PTCSC3: variants seen among roughly 807,000 people sequenced by gnomAD.
PTCSC3 encodes the protein papillary thyroid carcinoma susceptibility candidate 3 (non-protein coding).
At chr14:36,147,280 C>T (rs1282152154) in intron 3 of PTCSC3, among the ~76,000 whole-genome samples, 3 of 152,162 alleles carry the variant, frequency 2.0e-5, no homozygotes, top group Non-Finnish European at 2.9e-5. Flanking sequence ...TTCCATTCTC[C>T]CCATCACTTT....
At chr14:36,160,610 T>C (rs917035996) in intron 2 of PTCSC3, among the ~76,000 whole-genome samples, 7 of 151,818 alleles carry the variant, frequency 4.6e-5, no homozygotes, top group African/African-American at 1.7e-4. Flanking sequence ...TCTGATGGGC[T>C]TCCCTTTGTA....
At chr14:36,168,307 T>G (rs1430006263) in intron 1 of PTCSC3, among the ~76,000 whole-genome samples, 2 of 149,832 alleles carry the variant, frequency 1.3e-5, no homozygotes, top group Non-Finnish European at 3.0e-5. Flanking sequence ...TAAAACATTA[T>G]GCCTTTGCAT....
At chr14:36,147,817 T>C (rs917244440) in intron 3 of PTCSC3, among the ~76,000 whole-genome samples, 1 of 151,928 alleles carries the variant, frequency 6.6e-6, no homozygotes, top group African/African-American at 2.4e-5. Context: ...TCTTTGATGA[T>C]GGTGATGTAC....
chr14:36,176,708 C>T (rs1321302829), upstream of PTCSC3, among the ~76,000 whole-genome samples: 6 of 152,082 alleles, frequency 3.9e-5, no homozygotes, highest in Admixed American at 1.3e-4. Context: ...TCATGCCTGA[C>T]GGTGAATGTG....
At chr14:36,165,101 A>G (rs1287161794) in intron 1 of PTCSC3, 1 of 152,222 alleles carries the variant, frequency 6.6e-6, no homozygotes, top group African/African-American at 2.4e-5. Flanking sequence ...TGACGAGTGA[A>G]TATTCTCCAG....
intron 3 of PTCSC3, among the ~76,000 whole-genome samples, chr14:36,145,592 T>A (rs1489023527): frequency 5.9e-5 from 7 of 118,764 alleles, no homozygotes; most frequent in African/African-American, 2.1e-4. Context: ...TCAATTTTGT[T>A]GATCCTTTCA....
chr14:36,155,649 G>A (rs1035467916), intron 2 of PTCSC3, among the ~76,000 whole-genome samples: 1 of 151,974 alleles, frequency 6.6e-6, no homozygotes, highest in Non-Finnish European at 1.5e-5. Context: ...GCCAAATCTT[G>A]CTAAATTTGC....
chr14:36,174,995 G>C (rs981580315), intron 1 of PTCSC3, among the ~76,000 whole-genome samples: 2 of 152,262 alleles, frequency 1.3e-5, no homozygotes, highest in Middle Eastern at 3.4e-3. Flanking sequence ...CTGACATCTA[G>C]TAAAGCTCGG....
At chr14:36,174,387 C>T (rs1369156290) in intron 1 of PTCSC3, among the ~76,000 whole-genome samples, 1 of 152,080 alleles carries the variant, frequency 6.6e-6, no homozygotes. Flanking sequence ...CTTTTCAGTT[C>T]TAGAATGTTC....
intron 3 of PTCSC3, among the ~76,000 whole-genome samples, chr14:36,142,538 G>A (rs1036041691): frequency 2.6e-5 from 4 of 152,324 alleles, no homozygotes; most frequent in African/African-American, 9.6e-5. Context: ...TTTTCTGGAA[G>A]AGATTGTGAA....
chr14:36,174,978 A>G (rs1199206330), intron 1 of PTCSC3, among the ~76,000 whole-genome samples: 1 of 152,164 alleles, frequency 6.6e-6, no homozygotes, highest in Non-Finnish European at 1.5e-5. Context: ...TTTCAACTGC[A>G]TAGCATCTGA....
At position 36,137,610 on chromosome 14, in the gene PTCSC3, A is replaced by G. The variant is rs1827368726; in HGVS notation, n.323-1254T>C. Among the ~76,000 whole-genome samples the G allele has an allele frequency of 2.6e-5, 4 of 152,144 alleles. 1 individual carries two copies. Among genetic ancestry groups the G allele is most frequent in the Non-Finnish European group, 5.9e-5 (4 of 68,034 alleles). ...GATTCTGTGTGTATTTTAAATGTGG[A>G]GCCCAGGAGATTTGCTATTGGATTG... On this transcript the variant is annotated intron_variant and non_coding_transcript_variant, in intron 3 of 3. Transcript: ENST00000556013.
intron 3 of PTCSC3, among the ~76,000 whole-genome samples, chr14:36,147,886 G>A (rs7151945): frequency 0.015 from 2,288 of 152,016 alleles, 31 homozygotes; most frequent in South Asian, 0.032. Flanking sequence ...TAACAGACAG[G>A]ACCCTCAGCT....
intron 3 of PTCSC3, among the ~76,000 whole-genome samples, chr14:36,136,609 G>A (rs1296019945): frequency 1.3e-5 from 2 of 151,946 alleles, no homozygotes; most frequent in African/African-American, 2.4e-5. Context: ...AGATAGGGCA[G>A]GATTTATTCT....
chr14:36,162,890 T>G (rs1355341895), intron 1 of PTCSC3, among the ~76,000 whole-genome samples: 5 of 152,226 alleles, frequency 3.3e-5, no homozygotes, highest in African/African-American at 1.2e-4. Flanking sequence ...CACATGCTTA[T>G]ATGGTGTCAG....
intron 3 of PTCSC3, among the ~76,000 whole-genome samples, chr14:36,148,316 C>T (rs558225350): frequency 6.6e-6 from 1 of 152,174 alleles, no homozygotes; most frequent in African/African-American, 2.4e-5. Context: ...ATCAGCGAGA[C>T]TCCATAGGCA....
chr14:36,150,070 G>T (rs930276873), intron 3 of PTCSC3, among the ~76,000 whole-genome samples: 5 of 152,154 alleles, frequency 3.3e-5, no homozygotes, highest in Non-Finnish European at 7.4e-5. Flanking sequence ...TGCTCAACCT[G>T]TGTCTAAAGT....
chr14:36,145,904 T>G (rs1881554084), intron 3 of PTCSC3, among the ~76,000 whole-genome samples: 1 of 150,738 alleles, frequency 6.6e-6, no homozygotes, highest in Admixed American at 6.6e-5. Context: ...TATTTCTGCC[T>G]TCATTTTGTT....
chr14:36,170,777 C>G (rs1882178365), intron 1 of PTCSC3, among the ~76,000 whole-genome samples: 1 of 151,996 alleles, frequency 6.6e-6, no homozygotes, highest in Non-Finnish European at 1.5e-5. Flanking sequence ...GGGCAAGTGA[C>G]CTATTTGTTG....
Sources: allele counts gnomAD v4.1 joint callset (sites outside exome capture counted in the v4.1 genomes callset), GRCh38; gene constraint gnomAD v4.1.1; transcripts MANE v1.5; gene names NCBI Gene and HGNC (gene_info 2026-07-23, HGNC 2026-07-21).